XRCC4: variants seen among roughly 807,000 people sequenced by gnomAD.
XRCC4 encodes X-ray repair cross complementing 4, also known as DNA repair protein XRCC4.
A neutral mutation model predicts 39.1 loss-of-function variants in XRCC4; 28 were observed. The ratio of observed to expected loss-of-function variants is 0.72; its 90% CI spans 0.53 to 0.98. The LOEUF (loss-of-function observed/expected upper bound fraction) is 0.98. Among genes scored for constraint, XRCC4 ranks in the 50% least tolerant of loss-of-function variants. The pLI is 0.00. For missense variants in XRCC4, 350 were observed against 376.4 expected (o/e 0.93, Z 0.58); for synonymous variants, 123 against 126.4 (o/e 0.97, Z 0.18).
chr5:83,142,925 T>C (rs1748253685), intron 3 of XRCC4, among the ~76,000 whole-genome samples: 1 of 152,214 alleles, frequency 6.6e-6, no homozygotes, highest in African/African-American at 2.4e-5. Context: ...AAGCCTTGAT[T>C]AGCATAAATA....
intron 3 of XRCC4, among the ~76,000 whole-genome samples, chr5:83,164,416 A>G (rs1749362476): frequency 6.6e-6 from 1 of 152,176 alleles, no homozygotes; most frequent in African/African-American, 2.4e-5. Flanking sequence ...CAACAAATTT[A>G]AACATTTACA....
chr5:83,248,521 A>G (rs1038843756), intron 6 of XRCC4, among the ~76,000 whole-genome samples: 2 of 152,194 alleles, frequency 1.3e-5, no homozygotes, highest in African/African-American at 2.4e-5. Context: ...GACTGATTCC[A>G]TCTTTGGGGC....
At chr5:83,115,736 G>A (rs1265511247) in intron 3 of XRCC4, among the ~76,000 whole-genome samples, 4 of 152,208 alleles carry the variant, frequency 2.6e-5, no homozygotes, top group Non-Finnish European at 5.9e-5. Flanking sequence ...ACAAGTAATG[G>A]AAGCAGCCTG....
chr5:83,171,545 C>T (rs1418787335), intron 3 of XRCC4, among the ~76,000 whole-genome samples: 2 of 152,116 alleles, frequency 1.3e-5, no homozygotes, highest in African/African-American at 4.8e-5. Context: ...TACTGGCACA[C>T]AATTCCAAAA....
At chr5:83,318,035 C>G (rs1755936111) in intron 7 of XRCC4, among the ~76,000 whole-genome samples, 1 of 133,808 alleles carries the variant, frequency 7.5e-6, no homozygotes, top group South Asian at 2.2e-4. Flanking sequence ...CCCTGGGATG[C>G]AAGGCTGGTT....
chr5:83,085,175 T>C (rs1404824933), intron 1 of XRCC4, among the ~76,000 whole-genome samples: 2 of 152,176 alleles, frequency 1.3e-5, no homozygotes, highest in African/African-American at 2.4e-5. Flanking sequence ...GAGAATTTTA[T>C]TGGATAAAGA....
intron 7 of XRCC4, among the ~76,000 whole-genome samples, chr5:83,335,543 AC>A (rs1217545663): frequency 6.6e-6 from 1 of 152,020 alleles, no homozygotes; most frequent in African/African-American, 2.4e-5. Flanking sequence ...AGTACTTTAT[AC>A]ATTCTTCACT....
At chr5:83,107,283 G>C (rs1280577311) in intron 2 of XRCC4, among the ~76,000 whole-genome samples, 1 of 151,876 alleles carries the variant, frequency 6.6e-6, no homozygotes, top group East Asian at 1.9e-4. Context: ...CCATAAATGT[G>C]ATCTGGTACT....
chr5:83,260,017 C>T (rs1436433549), intron 7 of XRCC4, among the ~76,000 whole-genome samples: 5 of 152,152 alleles, frequency 3.3e-5, no homozygotes, highest in African/African-American at 1.2e-4. Flanking sequence ...GTTCTCTCCA[C>T]GATTGGCCTG....
At chr5:83,263,346 T>C (rs1388422219) in intron 7 of XRCC4, among the ~76,000 whole-genome samples, 1 of 151,936 alleles carries the variant, frequency 6.6e-6, no homozygotes, top group African/African-American at 2.4e-5. Context: ...TTATAGTCCT[T>C]TGGGTATATA....
chr5:83,346,397 T>C (rs1756918203), intron 7 of XRCC4, among the ~76,000 whole-genome samples: 1 of 152,176 alleles, frequency 6.6e-6, no homozygotes, highest in South Asian at 2.1e-4. Flanking sequence ...ATATCCCCTA[T>C]TGAACCACGT....
At chr5:83,303,545 A>G (rs1156861900) in intron 7 of XRCC4, among the ~76,000 whole-genome samples, 1 of 152,182 alleles carries the variant, frequency 6.6e-6, no homozygotes, top group Non-Finnish European at 1.5e-5. Flanking sequence ...AGTAACAACA[A>G]TTTACAATTC....
At chr5:83,364,322 T>C in the XRCC4 span, among the ~76,000 whole-genome samples, 26 of 152,282 alleles carry the variant, frequency 1.7e-4, no homozygotes, top group African/African-American at 6.3e-4. Flanking sequence ...TAGTGGCTAA[T>C]ATTTTTAACA....
chr5:83,209,019 G>T (rs1017812372), intron 6 of XRCC4, among the ~76,000 whole-genome samples: 1 of 151,410 alleles, frequency 6.6e-6, no homozygotes, highest in African/African-American at 2.4e-5. Context: ...TATCTAGTTG[G>T]TATTAAGTAC....
intron 3 of XRCC4, among the ~76,000 whole-genome samples, chr5:83,149,636 T>A (rs1474095777): frequency 6.6e-6 from 1 of 152,162 alleles, no homozygotes; most frequent in East Asian, 1.9e-4. Flanking sequence ...TAGTATTTCA[T>A]CAAAATAAGA....
At chr5:83,128,499 TG>T (rs1747390965) in intron 3 of XRCC4, among the ~76,000 whole-genome samples, 1 of 152,162 alleles carries the variant, frequency 6.6e-6, no homozygotes, top group Non-Finnish European at 1.5e-5. Context: ...AGTAATGGGA[TG>T]GCTGGGTCAA....
In XRCC4 at chr5:83,117,169, T is replaced by C. The variant is rs1194910611; in HGVS notation, c.315+5966T>C. On this transcript the variant is annotated intron_variant, in intron 3 of 7. Coordinates refer to ENST00000396027, the MANE Select transcript of XRCC4 (RefSeq NM_003401.5). ...GCTACACACTAATTTCTTTTCTCCATAGAGTGCGAACCCATGTGACCCTTC... is the reference window on the plus strand; with the variant it reads ...GCTACACACTAATTTCTTTTCTCCACAGAGTGCGAACCCATGTGACCCTTC... Among the ~76,000 whole-genome samples the C allele has an allele frequency of 3.9e-5, 6 of 152,310 alleles. No homozygotes were observed. The East Asian group carries it at 9.7e-4, about 25-fold the overall frequency.
intron 3 of XRCC4, among the ~76,000 whole-genome samples, chr5:83,149,139 C>G (rs1318901756): frequency 6.6e-6 from 1 of 152,076 alleles, no homozygotes; most frequent in Non-Finnish European, 1.5e-5. Context: ...ATTTTCATTT[C>G]CTAATGGTAT....
chr5:83,359,929 TC>T, the XRCC4 span, among the ~76,000 whole-genome samples: 1 of 152,202 alleles, frequency 6.6e-6, no homozygotes, highest in Non-Finnish European at 1.5e-5. Flanking sequence ...TATGGTCTTA[TC>T]TACATTAGAT....
Sources: gnomAD v4.1 joint callset for allele counts (sites outside exome capture counted in the v4.1 genomes callset) on GRCh38, gnomAD v4.1.1 for gene constraint, MANE v1.5 for transcripts, NCBI Gene and HGNC (gene_info 2026-07-23, HGNC 2026-07-21) for gene names.